Variants in EGFR observed in about 807,000 individuals in gnomAD.
EGFR encodes the protein avian erythroblastic leukemia viral (v-erb-b) oncogene homolog.
In EGFR, 58 loss-of-function variants were observed where a neutral mutation model predicts 143.0. The ratio of observed to expected loss-of-function variants is 0.41; its 90% CI spans 0.33 to 0.50. The LOEUF is 0.50. Ranked by LOEUF, EGFR falls within the 20% of genes least tolerant of loss-of-function variation. The pLI is 0.39. For missense variants in EGFR, 1,307 were observed against 1,579.0 expected, an observed-to-expected ratio of 0.83 and a Z score of 2.92; for synonymous variants, 613 against 594.4, an observed-to-expected ratio of 1.03 and a Z score of -0.45.
At chr7:55,171,104 T>A (rs1200144219) in intron 15 of EGFR, 71 bp from the exon 16 acceptor site, 5 of 1,605,396 alleles carry the variant, frequency 3.1e-6, no homozygotes, top group Non-Finnish European at 4.2e-6. Flanking sequence ...ATGATTTAAT[T>A]AAAAATCTCC....
chr7:55,205,586 C>T lies in EGFR; in HGVS notation c.3602C>T (p.Ala1201Val), dbSNP rs201717672. The T allele has an allele frequency of 5.0e-6, 8 of 1,614,128 alleles. No individual in the cohort carries two copies. Among genetic ancestry groups the T allele is most frequent in the African/African-American group, 1.3e-5 (1 of 75,012 alleles). ...TAENAEYLRV[A>V]PQSSEFIGA The stretch of plus-strand genomic sequence containing the variant: ...GAAAATGCAGAATACCTAAGGGTCG[C>T]GCCACAAAGCAGTGAATTTATTGGA... The change falls in exon 28 of 28, where the codon GCG becomes GTG. Residue 1201 changes from alanine to valine, a missense_variant. Coordinates refer to ENST00000275493, the MANE Select transcript of EGFR (RefSeq NM_005228.5).
chr7:55,061,293 C>A (rs1789150459), intron 1 of EGFR, among the ~76,000 whole-genome samples: 1 of 152,202 alleles, frequency 6.6e-6, no homozygotes, highest in African/African-American at 2.4e-5. Context: ...CAGGCCTTCA[C>A]AAACTGGCCC....
At chr7:55,131,136 C>T (rs1793806017) in intron 1 of EGFR, among the ~76,000 whole-genome samples, 1 of 152,154 alleles carries the variant, frequency 6.6e-6, no homozygotes, top group Non-Finnish European at 1.5e-5. Context: ...ACAGACCCAA[C>T]ATGATTAAGA....
intron 22 of EGFR, among the ~76,000 whole-genome samples, chr7:55,196,822 G>A (rs767930797): frequency 3.3e-5 from 5 of 150,928 alleles, no homozygotes; most frequent in African/African-American, 4.9e-5. Flanking sequence ...TCACATGGTT[G>A]TAGGTGTGCA....
intron 1 of EGFR, among the ~76,000 whole-genome samples, chr7:55,133,624 C>T (rs1476066884): frequency 1.3e-5 from 2 of 152,356 alleles, no homozygotes; most frequent in African/African-American, 2.4e-5. Context: ...ATGCAATCTC[C>T]GTCATCCCCA....
intron 3 of EGFR, among the ~76,000 whole-genome samples, chr7:55,145,674 G>C (rs1201390485): frequency 6.6e-6 from 1 of 152,226 alleles, no homozygotes; most frequent in African/African-American, 2.4e-5. Context: ...ATTGCTTCAT[G>C]AATCAGAGGT....
At chr7:55,172,939 C>T (rs764259441) in intron 16 of EGFR, 44 bp from the exon 17 acceptor site, 1 of 1,614,072 alleles carries the variant, frequency 6.2e-7, no homozygotes, top group Admixed American at 1.7e-5. Flanking sequence ...GCCATGGAAT[C>T]TGTCAGCAAC....
At chr7:55,171,038 C>T in intron 15 of EGFR, 137 bp from the exon 16 acceptor site, 1 of 1,512,316 alleles carries the variant, frequency 6.6e-7, no homozygotes, top group East Asian at 2.5e-5. Context: ...ACCAATCCAA[C>T]ATCCAGACAC....
chr7:55,142,196 A>T (rs2128925950), intron 1 of EGFR, 90 bp from the exon 2 acceptor site: 1 of 1,512,738 alleles, frequency 6.6e-7, no homozygotes, highest in Non-Finnish European at 9.1e-7. Context: ...AGAAACTGCT[A>T]CCCTTAATAC....
Position 55,210,518 on chromosome 7 carries a change from C to G in EGFR, c.*4901C>G, listed in dbSNP as rs562930383. 6.6e-6 allele frequency: 1 copy of G among 152,092 alleles called. No homozygotes were observed. Among genetic ancestry groups the G allele is most frequent in the Non-Finnish European group, 1.5e-5 (1 of 68,036 alleles). 9.4% of individuals were successfully genotyped at this position (152,092 alleles called of 1,614,324 possible). ...AAGCTCCTGAGGTCATTCCAATGTG[C>G]GGCCAAAGTTGAGAACTACTGGCCT... On this transcript the variant is annotated 3_prime_UTR_variant, in exon 28 of 28. Coordinates refer to ENST00000275493, the MANE Select transcript of EGFR (RefSeq NM_005228.5).
chr7:55,169,378 G>A (rs1482093776), intron 15 of EGFR, among the ~76,000 whole-genome samples: 3 of 152,164 alleles, frequency 2.0e-5, no homozygotes, highest in Non-Finnish European at 4.4e-5. Flanking sequence ...GATTACAGGC[G>A]TGAGCCACTG....
At position 55,155,885 on chromosome 7, in the gene EGFR, C is replaced by A. The variant is rs772053702; in HGVS notation, c.945C>A (p.Ser315Arg). 6.2e-7 allele frequency: 1 copy of A among 1,614,056 alleles called. No individual in the cohort carries two copies. The highest frequency in any genetic ancestry group is 8.5e-7 in the Non-Finnish European group (1 of 1,180,028). ...GSCVRACGAD[S>R]YEMEEDGVRK... ...GCGTCCGAGCCTGTGGGGCCGACAG[C>A]TATGAGATGGAGGAAGACGGCGTCC... Residue 315 changes from serine (S) to arginine (R), a missense_variant, in exon 8 of 28, where the codon AGC becomes AGA. Ser to Arg is a moderately radical substitution (Grantham distance 110, BLOSUM62 -1). This residue lies in a region of EGFR where 311 missense variants were observed against 412.3 expected (regional missense o/e 0.75). Transcript: ENST00000275493.
chr7:55,152,710 A>T (rs763909508), intron 6 of EGFR, 46 bp downstream of exon 6: 1 of 1,470,248 alleles, frequency 6.8e-7, no homozygotes, highest in Non-Finnish European at 9.4e-7. Context: ...CTGGGGCTGC[A>T]CCCGCCCCAC....
At chr7:55,064,249 G>A (rs990515110) in intron 1 of EGFR, among the ~76,000 whole-genome samples, 1 of 152,210 alleles carries the variant, frequency 6.6e-6, no homozygotes, top group African/African-American at 2.4e-5. Context: ...TCAAATAGAT[G>A]TAATTTTAAT....
chr7:55,058,796 A>G (rs1052135689), intron 1 of EGFR, among the ~76,000 whole-genome samples: 1 of 152,174 alleles, frequency 6.6e-6, no homozygotes, highest in Non-Finnish European at 1.5e-5. Context: ...ACACAAGTTT[A>G]CCTGTTTAAC....
intron 1 of EGFR, among the ~76,000 whole-genome samples, chr7:55,021,359 C>A (rs1583843313): frequency 6.6e-6 from 1 of 152,222 alleles, no homozygotes; most frequent in Admixed American, 6.5e-5. Context: ...AAATTAAACC[C>A]TCAGAGCACC....
intron 20 of EGFR, among the ~76,000 whole-genome samples, chr7:55,188,055 G>T (rs1287803885): frequency 6.6e-6 from 1 of 152,174 alleles, no homozygotes; most frequent in East Asian, 1.9e-4. Flanking sequence ...TCTCAGCATG[G>T]TTCTGGTAGA....
chr7:55,034,998 T>C (rs1320912439), intron 1 of EGFR, among the ~76,000 whole-genome samples: 1 of 152,196 alleles, frequency 6.6e-6, no homozygotes, highest in Non-Finnish European at 1.5e-5. Flanking sequence ...TCCTAGAGGT[T>C]GTACAGCACA....
rs2128853293 is a variant in EGFR, at chr7:55,019,286, C to A, written c.9C>A (p.Pro3=). The change falls in exon 1 of 28, where the codon CCC becomes CCA. Residue 3 remains proline (P), a synonymous_variant. Coordinates refer to ENST00000275493, the MANE Select transcript of EGFR (RefSeq NM_005228.5). MR[P]SGTAGAALLA... Reference sequence around the variant, plus strand: ...CTCTTCGGGGAGCAGCGATGCGACCCTCCGGGACGGCCGGGGCAGCGCTCC... The same window carrying A: ...CTCTTCGGGGAGCAGCGATGCGACCATCCGGGACGGCCGGGGCAGCGCTCC... 6.6e-7 allele frequency: 1 copy of A among 1,506,676 alleles called. No homozygotes were observed. Among genetic ancestry groups the A allele is most frequent in the East Asian group, 2.8e-5 (1 of 35,460 alleles). 93.3% of individuals were successfully genotyped at this position (1,506,676 alleles called of 1,614,324 possible).
Sources: gnomAD v4.1 joint callset for allele counts (sites outside exome capture counted in the v4.1 genomes callset) on GRCh38, gnomAD v4.1.1 for gene constraint, gnomAD v4.1.1 regional missense constraint, MANE v1.5 for transcripts, NCBI Gene and HGNC (gene_info 2026-07-23, HGNC 2026-07-21) for gene names.